AUTS2: variants seen among roughly 807,000 people sequenced by gnomAD.
AUTS2 encodes autism susceptibility gene 2 protein.
In AUTS2, 17 loss-of-function variants were observed where a neutral mutation model predicts 112.4. That is an observed-to-expected ratio of 0.15 (90% confidence interval 0.10 to 0.23). AUTS2 has a LOEUF of 0.23. AUTS2 is among the 10% of genes least tolerant of loss of function. The pLI is 1.00. For missense variants in AUTS2, 1,510 were observed against 1,701.6 expected (o/e 0.89, Z 1.98); for synonymous variants, 751 against 702.7 (o/e 1.07, Z -1.09).
chr7:70,660,016 A>C (rs543756939), intron 5 of AUTS2, among the ~76,000 whole-genome samples: 345 of 152,106 alleles, frequency 2.3e-3, no homozygotes, highest in Non-Finnish European at 3.9e-3. Context: ...ATCTCTACTA[A>C]AAATACAAAA....
At chr7:70,404,783 T>C (rs1251614073) in intron 4 of AUTS2, among the ~76,000 whole-genome samples, 1 of 152,194 alleles carries the variant, frequency 6.6e-6, no homozygotes, top group Middle Eastern at 3.2e-3. Flanking sequence ...ATCATCTTTC[T>C]ACCTAAGAAG....
intron 1 of AUTS2, among the ~76,000 whole-genome samples, chr7:69,693,592 C>T (rs1398008947): frequency 1.4e-4 from 21 of 152,128 alleles, no homozygotes; most frequent in Admixed American, 1.3e-3. Flanking sequence ...TTCATGTGCT[C>T]ATTCAGCTGG....
chr7:69,816,281 C>G (rs759847311), intron 1 of AUTS2, among the ~76,000 whole-genome samples: 1 of 152,162 alleles, frequency 6.6e-6, no homozygotes, highest in Non-Finnish European at 1.5e-5. Flanking sequence ...ATTAAAATAT[C>G]GACTTACATT....
At chr7:70,724,466 G>A (rs1786897823) in intron 6 of AUTS2, among the ~76,000 whole-genome samples, 1 of 72,622 alleles carries the variant, frequency 1.4e-5, no homozygotes, top group East Asian at 1.5e-3. Flanking sequence ...TTTTTTTTGA[G>A]ACAGAGTCTC....
At chr7:70,417,919 G>C (rs185735708) in intron 4 of AUTS2, among the ~76,000 whole-genome samples, 27 of 152,258 alleles carry the variant, frequency 1.8e-4, no homozygotes, top group African/African-American at 6.3e-4. Context: ...CTGTTGTTTG[G>C]CCTGCCCTCT....
intron 5 of AUTS2, among the ~76,000 whole-genome samples, chr7:70,457,208 G>A (rs1025736744): frequency 3.9e-5 from 6 of 152,266 alleles, no homozygotes; most frequent in South Asian, 4.1e-4. Context: ...GACCGGGGCT[G>A]TGCCCACCAG....
intron 1 of AUTS2, chr7:69,824,739 T>G (rs1012426602): frequency 1.3e-5 from 2 of 152,196 alleles, no homozygotes; most frequent in African/African-American, 4.8e-5. Flanking sequence ...CATTTGGCAC[T>G]TTCATTGGCC....
At chr7:70,627,838 C>A (rs117492110) in intron 5 of AUTS2, among the ~76,000 whole-genome samples, 1 of 152,280 alleles carries the variant, frequency 6.6e-6, no homozygotes, top group East Asian at 1.9e-4. Context: ...CTGTGCTGTG[C>A]AGTCAAGGTT....
chr7:70,747,408 C>A (rs1034056595), intron 6 of AUTS2, among the ~76,000 whole-genome samples: 2 of 152,212 alleles, frequency 1.3e-5, no homozygotes, highest in African/African-American at 4.8e-5. Flanking sequence ...TTTCTAGAGG[C>A]TACTTTGTAG....
chr7:70,533,101 G>A (rs1218339409), intron 5 of AUTS2, among the ~76,000 whole-genome samples: 2 of 152,148 alleles, frequency 1.3e-5, no homozygotes, highest in African/African-American at 4.8e-5. Flanking sequence ...AAGTGCTGGA[G>A]CAGCCAGAAA....
intron 18 of AUTS2, among the ~76,000 whole-genome samples, chr7:70,788,171 T>C (rs1244998112): frequency 2.0e-5 from 3 of 152,368 alleles, no homozygotes; most frequent in Middle Eastern, 3.4e-3. Flanking sequence ...ATTTTCACTT[T>C]AAATGAACTG....
intron 5 of AUTS2, among the ~76,000 whole-genome samples, chr7:70,505,327 ACCAGTTCT>A (rs1798920249): frequency 6.6e-6 from 1 of 152,198 alleles, no homozygotes; most frequent in Non-Finnish European, 1.5e-5. Context: ...GGTGCTTTTA[ACCAGTTCT>A]CCCAGAGTGG....
In AUTS2 at chr7:70,297,005, CT is replaced by C. The variant is rs556668116; in HGVS notation, c.661-138728del. Among the ~76,000 whole-genome samples, 736 of 118,214 alleles carry C rather than the reference CT, an allele frequency of 6.2e-3. 4 individuals are homozygous for C. Among genetic ancestry groups the C allele is most frequent in the East Asian group, 0.015 (59 of 3,972 alleles). 77.6% of individuals were successfully genotyped at this position (118,214 alleles called of 152,430 possible). Reference sequence around the variant, plus strand: ...CACAGGTGTGCACCATAATGCCTGACTTTTTTTTTTTTTTTTTTTCAATTTA... The same window carrying C: ...CACAGGTGTGCACCATAATGCCTGACTTTTTTTTTTTTTTTTTTCAATTTA... On this transcript the variant is annotated intron_variant, in intron 4 of 18. Coordinates refer to ENST00000342771, the MANE Select transcript of AUTS2 (RefSeq NM_015570.4).
At chr7:69,634,853 C>A (rs897499894) in intron 1 of AUTS2, among the ~76,000 whole-genome samples, 1 of 152,184 alleles carries the variant, frequency 6.6e-6, no homozygotes, top group African/African-American at 2.4e-5. Flanking sequence ...TTAACACTCA[C>A]CTGGATTATT....
At chr7:70,179,657 T>A (rs925549319) in intron 4 of AUTS2, among the ~76,000 whole-genome samples, 7 of 152,338 alleles carry the variant, frequency 4.6e-5, no homozygotes, top group South Asian at 4.1e-4. Context: ...GACAGACATT[T>A]AGCAAGATAG....
In AUTS2 at chr7:70,764,746, C is replaced by T. The variant is rs754469709; in HGVS notation, c.1215-6C>T. 9.6e-6 allele frequency: 7 copies of T among 726,412 alleles called. No homozygotes were observed. Among genetic ancestry groups the T allele is most frequent in the South Asian group, 5.9e-5 (4 of 67,726 alleles). The allele number at this position is 726,412 out of a possible 1,614,324, so 45.0% of individuals were successfully genotyped here. A position where few individuals can be genotyped will look rare whatever the true frequency, so the allele number is the denominator to read the frequency against. On this transcript the variant is annotated splice_polypyrimidine_tract_variant and splice_region_variant and intron_variant, in intron 7 of 18. Transcript: ENST00000342771. ...TTTTCTTTTCTTTTTTTTCTTGTTCCGATAGCAGCAGCAGAAGCAGCACTC... is the reference window on the plus strand; with the variant it reads ...TTTTCTTTTCTTTTTTTTCTTGTTCTGATAGCAGCAGCAGAAGCAGCACTC...
chr7:70,570,194 G>GT (rs1322139482), intron 5 of AUTS2, among the ~76,000 whole-genome samples: 2 of 152,322 alleles, frequency 1.3e-5, no homozygotes, highest in Admixed American at 6.5e-5. Context: ...AAAGAGGTAA[G>GT]TTATGATTCA....
At chr7:70,603,781 G>A (rs913832632) in intron 5 of AUTS2, among the ~76,000 whole-genome samples, 1 of 152,156 alleles carries the variant, frequency 6.6e-6, no homozygotes, top group Admixed American at 6.5e-5. Flanking sequence ...AATTTAAATT[G>A]CAGCTTTCTT....
chr7:70,546,294 A>C (rs1359420335), intron 5 of AUTS2, among the ~76,000 whole-genome samples: 1 of 151,948 alleles, frequency 6.6e-6, no homozygotes, highest in Non-Finnish European at 1.5e-5. Flanking sequence ...AAGTACAAAA[A>C]TTAGCCAGAC....
Sources: gnomAD v4.1 joint callset for allele counts (sites outside exome capture counted in the v4.1 genomes callset) on GRCh38, gnomAD v4.1.1 for gene constraint, MANE v1.5 for transcripts, NCBI Gene and HGNC (gene_info 2026-07-23, HGNC 2026-07-21) for gene names.